The following DAW1 variants were observed in gnomAD, a reference collection of about 807,000 sequenced individuals.
The protein encoded by DAW1 is dynein assembly factor with WD repeat domains 1.
A neutral mutation model predicts 56.5 loss-of-function variants in DAW1; 47 were observed. The observed-to-expected ratio is 0.83, with a 90% CI of 0.66 to 1.06. DAW1 has a LOEUF of 1.06. Among genes scored for constraint, DAW1 ranks in the 50% least tolerant of loss-of-function variants. The pLI, the probability that DAW1 is intolerant of heterozygous loss-of-function variation, is 0.00. For missense variants in DAW1, 505 were observed against 499.3 expected, an observed-to-expected ratio of 1.01 and a Z score of -0.11; for synonymous variants, 190 against 179.0, an observed-to-expected ratio of 1.06 and a Z score of -0.49.
chr2:227,888,538 G>A (rs1691182474), intron 2 of DAW1, among the ~76,000 whole-genome samples: 1 of 152,224 alleles, frequency 6.6e-6, no homozygotes, highest in South Asian at 2.1e-4. Flanking sequence ...CTCTTGCTCT[G>A]CCCCTGCTCA....
At chr2:227,892,852 A>G (rs1691305514) in intron 4 of DAW1, among the ~76,000 whole-genome samples, 1 of 152,230 alleles carries the variant, frequency 6.6e-6, no homozygotes, top group Admixed American at 6.5e-5. Context: ...ATATTTTAGA[A>G]AGAAAGTCTC....
At chr2:227,890,919 G>A (rs1691247011) in intron 3 of DAW1, among the ~76,000 whole-genome samples, 1 of 152,170 alleles carries the variant, frequency 6.6e-6, no homozygotes, top group South Asian at 2.1e-4. Context: ...ATGTTGTAGG[G>A]ATTGAAAGAT....
intron 5 of DAW1, among the ~76,000 whole-genome samples, chr2:227,894,621 T>C (rs993617619): frequency 2.6e-5 from 4 of 152,240 alleles, no homozygotes; most frequent in Admixed American, 1.3e-4. Context: ...CATTTAGAAG[T>C]TAATTTACAG....
In DAW1 at chr2:227,905,028, A is replaced by G. The variant is rs371967380; in HGVS notation, c.748A>G (p.Thr250Ala). The G allele has an allele frequency of 5.6e-5, 90 of 1,612,110 alleles. No homozygotes were observed. Among genetic ancestry groups the G allele is most frequent in the Non-Finnish European group, 7.1e-5 (84 of 1,178,888 alleles). The change falls in exon 8 of 13, where the codon ACT (threonine) becomes GCT (alanine). Residue 250 changes from threonine to alanine, a missense_variant. Coordinates refer to ENST00000309931, the MANE Select transcript of DAW1 (RefSeq NM_178821.3). ...TACCGTTGTAGTGTGGGACGCTGAT[A>G]CTGGAAGGTAATTCTTAGTTCTTAA... is the stretch of plus-strand genomic sequence containing the variant. ...DHTVVVWDAD[T>A]GRKVNILIGH...
At chr2:227,893,187 T>C (rs551250313) in intron 4 of DAW1, among the ~76,000 whole-genome samples, 376 of 151,244 alleles carry the variant, frequency 2.5e-3, no homozygotes, top group African/African-American at 8.6e-3. Flanking sequence ...GGATAATCGC[T>C]TGAACCCCGG....
chr2:227,880,311 G>A, intron 1 of DAW1, among the ~76,000 whole-genome samples: 1 of 149,990 alleles, frequency 6.7e-6, no homozygotes, highest in African/African-American at 2.4e-5. Context: ...CATACAGCTA[G>A]GTTTAAAAAT....
chr2:227,876,606 C>A, intron 1 of DAW1: 1 of 860,376 alleles, frequency 1.2e-6, no homozygotes, highest in Non-Finnish European at 1.6e-6. Flanking sequence ...GCCTCCTAAT[C>A]CTCTAATTTT....
rs1691908519 is a variant in DAW1, at chr2:227,914,611, C to CT, written c.974-4167dup. ...CGTTACACTAGATTATGTCATCCCCCTTATGCCCACATTTGGCATTGTATT... is the reference window on the plus strand; with the variant it reads ...CGTTACACTAGATTATGTCATCCCCCTTTATGCCCACATTTGGCATTGTATT... On this transcript the variant is annotated intron_variant, in intron 10 of 12. Transcript: ENST00000309931. Among the ~76,000 whole-genome samples, 3 of 152,096 alleles carry CT rather than the reference C, an allele frequency of 2.0e-5. No individual in the cohort carries two copies. In the South Asian group the frequency reaches 6.2e-4, roughly 32 times the overall value.
At chr2:227,919,354 A>G (rs1460561234) in intron 11 of DAW1, among the ~76,000 whole-genome samples, 1 of 152,172 alleles carries the variant, frequency 6.6e-6, no homozygotes, top group Non-Finnish European at 1.5e-5. Context: ...CAAACTTAGC[A>G]TAATAAATTA....
chr2:227,888,414 G>A (rs1691179357), intron 2 of DAW1, among the ~76,000 whole-genome samples: 2 of 152,232 alleles, frequency 1.3e-5, no homozygotes, highest in African/African-American at 4.8e-5. Flanking sequence ...CAGGCGGGAG[G>A]AGCCATCTGA....
At chr2:227,872,738 C>G (rs1039080115) in intron 1 of DAW1, among the ~76,000 whole-genome samples, 6 of 140,006 alleles carry the variant, frequency 4.3e-5, no homozygotes, top group African/African-American at 1.6e-4. Context: ...AGCTCTAAGT[C>G]CAAAATATTC....
intron 10 of DAW1, among the ~76,000 whole-genome samples, chr2:227,916,899 G>T (rs1219011206): frequency 1.3e-5 from 2 of 152,128 alleles, no homozygotes; most frequent in African/African-American, 4.8e-5. Flanking sequence ...TCTTATTGAT[G>T]ATCATGTATG....
intron 10 of DAW1, among the ~76,000 whole-genome samples, chr2:227,908,673 C>A (rs1038184104): frequency 6.6e-5 from 10 of 152,212 alleles, no homozygotes; most frequent in Non-Finnish European, 1.2e-4. Context: ...TCTACATTAT[C>A]TCCCTGACAA....
chr2:227,917,986 A>G (rs1270840587), intron 10 of DAW1, among the ~76,000 whole-genome samples: 3 of 152,372 alleles, frequency 2.0e-5, no homozygotes, highest in African/African-American at 7.2e-5. Context: ...AGCAGTCTTC[A>G]TCTGGCAAGG....
At chr2:227,923,911 C>T in intron 12 of DAW1, 23 bp from the exon 13 acceptor site, 1 of 1,612,972 alleles carries the variant, frequency 6.2e-7, no homozygotes. Flanking sequence ...AAAAAAATAA[C>T]TGCATGAAAT....
intron 6 of DAW1, among the ~76,000 whole-genome samples, chr2:227,899,451 G>A (rs1413638116): frequency 1.3e-5 from 2 of 152,160 alleles, no homozygotes; most frequent in Non-Finnish European, 2.9e-5. Flanking sequence ...AGACTTTTGA[G>A]GGTCAAAGAG....
chr2:227,917,178 G>T (rs866271671), intron 10 of DAW1, among the ~76,000 whole-genome samples: 1 of 133,422 alleles, frequency 7.5e-6, no homozygotes, highest in Non-Finnish European at 1.7e-5. Flanking sequence ...CTGTCTGTCT[G>T]TCTATCTATG....
At chr2:227,877,256 G>A (rs1005990113) in intron 1 of DAW1, among the ~76,000 whole-genome samples, 2 of 152,218 alleles carry the variant, frequency 1.3e-5, no homozygotes, top group Admixed American at 6.5e-5. Context: ...TTGGCTTACT[G>A]CAACCTCTGC....
intron 6 of DAW1, among the ~76,000 whole-genome samples, chr2:227,899,275 C>T (rs1221300703): frequency 3.3e-5 from 5 of 152,198 alleles, no homozygotes; most frequent in African/African-American, 1.2e-4. Flanking sequence ...GGGGATCACA[C>T]CTTTCCCTCC....
Sources: allele counts gnomAD v4.1 joint callset (sites outside exome capture counted in the v4.1 genomes callset), GRCh38; gene constraint gnomAD v4.1.1; transcripts MANE v1.5; gene names NCBI Gene and HGNC (gene_info 2026-07-23, HGNC 2026-07-21).